TERT: variants seen among roughly 807,000 people sequenced by gnomAD.
The protein encoded by TERT is telomerase reverse transcriptase.
In TERT, 42 loss-of-function variants were observed where a neutral mutation model predicts 104.0. The ratio of observed to expected loss-of-function variants is 0.40; its 90% CI spans 0.32 to 0.52. The LOEUF (loss-of-function observed/expected upper bound fraction) is 0.52. Ranked by LOEUF, TERT falls within the 20% of genes least tolerant of loss-of-function variation. TERT has a pLI of 0.43. For synonymous variants in TERT, 781 were observed against 725.6 expected (o/e 1.08, Z -1.23); for missense variants, 1,101 against 1,610.3 (o/e 0.68, Z 5.41).
intron 6 of TERT, among the ~76,000 whole-genome samples, chr5:1,272,622 C>CTGT (rs1749155851): frequency 2.2e-4 from 8 of 35,596 alleles, no homozygotes; most frequent in African/African-American, 7.6e-4. Flanking sequence ...TCAGACCCCA[C>CTGT]GACCGCCATC....
rs1271696022 is a variant in TERT at position 1,261,801 on chromosome 5, G to C, written c.2844-1201C>G. Among the ~76,000 whole-genome samples, 2 of 152,202 alleles carry C rather than the reference G, an allele frequency of 1.3e-5. No individual in the cohort carries two copies. Among genetic ancestry groups the C allele is most frequent in the East Asian group, 3.8e-4 (2 of 5,198 alleles). On this transcript the variant is annotated intron_variant, in intron 11 of 15. Coordinates refer to ENST00000310581, the MANE Select transcript of TERT (RefSeq NM_198253.3). This position sits in a 1 kb window ranked among gnomAD's most constrained non-coding sequence, Gnocchi z 7.4. ...GACTTGTGTGGGGTCCTCGGGCAGAGCAAGGGCCCCGGAGCAGGAGGCCAG... is the reference window on the plus strand; with the variant it reads ...GACTTGTGTGGGGTCCTCGGGCAGACCAAGGGCCCCGGAGCAGGAGGCCAG...
intron 2 of TERT, among the ~76,000 whole-genome samples, chr5:1,283,235 C>T (rs1750178833): frequency 7.3e-6 from 1 of 137,714 alleles, no homozygotes; most frequent in Non-Finnish European, 1.5e-5. Context: ...GACCTCACCC[C>T]GGACCTGCAC....
At position 1,260,584 on chromosome 5, in the gene TERT, T is replaced by C. The variant is rs1748158658; in HGVS notation, c.2860A>G (p.Ile954Val). 4 of 1,614,128 alleles carry C rather than the reference T, an allele frequency of 2.5e-6. No individual in the cohort carries two copies. The highest frequency in any genetic ancestry group is 1.1e-5 in the South Asian group (1 of 91,082). ...CGGTTGAAGGTGAGACTGGCTCTGA[T>C]GGAGGTCCGGGCATAGCTGAGACAC... ...SDYSSYARTSIRASLTFNRGF... is the reference protein window; with the variant it reads ...SDYSSYARTSVRASLTFNRGF... Residue 954 changes from isoleucine (I) to valine (V), a missense_variant, in exon 12 of 16, where the codon ATC becomes GTC. By Grantham distance (29) the Ile-to-Val change is conservative (BLOSUM62 3). Around this residue, in one of 5 missense-constraint regions of TERT, gnomAD observed 463 missense variants for 797.5 expected, o/e 0.58. Coordinates refer to ENST00000310581, the MANE Select transcript of TERT (RefSeq NM_198253.3).
intron 6 of TERT, among the ~76,000 whole-genome samples, chr5:1,276,480 T>C (rs1579571910): frequency 1.1e-4 from 11 of 96,122 alleles, no homozygotes; most frequent in African/African-American, 1.2e-4. Context: ...TAAAAACCAA[T>C]CCCACAGATC....
rs749338229 is a variant in TERT at position 1,253,704 on chromosome 5, G to C, written c.*24C>G. On this transcript the variant is annotated 3_prime_UTR_variant, in exon 16 of 16. Coordinates refer to ENST00000310581, the MANE Select transcript of TERT (RefSeq NM_198253.3). ...GACAGGGCTGCTGGTGTCTGCTCTC[G>C]GCCTGGCTGTGGGCGGGTGGCCATC... 8 of 1,592,688 alleles carry C rather than the reference G, an allele frequency of 5.0e-6. No homozygotes were observed. Among genetic ancestry groups the C allele is most frequent in the Non-Finnish European group, 6.0e-6 (7 of 1,166,724 alleles).
intron 6 of TERT, among the ~76,000 whole-genome samples, chr5:1,278,260 G>T (rs1749752092): frequency 6.6e-6 from 1 of 152,168 alleles, no homozygotes; most frequent in Non-Finnish European, 1.5e-5. Flanking sequence ...GGAGGAGGAA[G>T]GAGTAAGGCC....
Position 1,266,458 on chromosome 5 carries a change from C to T in TERT, c.2654+6G>A, listed in dbSNP as rs765264583. On this transcript the variant is annotated splice_donor_region_variant and intron_variant, in intron 10 of 15. Coordinates refer to ENST00000310581, the MANE Select transcript of TERT (RefSeq NM_198253.3). ...GGTCCCCACAGACACACGGCACGGG[C>T]CTCACCTGAGGAAGGTTTTCGCGTG... The T allele has an allele frequency of 6.2e-7, 1 of 1,605,540 alleles. No individual in the cohort carries two copies.
In TERT at chr5:1,293,826, G is replaced by T; in HGVS notation, c.1060C>A (p.Leu354Met). ...SFLLSSLRPS[L>M]TGARRLVETI... is the part of the protein sequence containing the mutation. ...TCCACGAGCCTCCGAGCGCCAGTCAGGCTGGGCCTCAGAGAGCTGAGTAGG... is the reference window on the plus strand; with the variant it reads ...TCCACGAGCCTCCGAGCGCCAGTCATGCTGGGCCTCAGAGAGCTGAGTAGG... The change falls in exon 2 of 16, where the codon CTG becomes ATG. Residue 354 changes from leucine (L) to methionine (M), a missense_variant. Physicochemically the swap from Leu to Met is conservative, Grantham distance 15 (BLOSUM62 2). Transcript: ENST00000310581. 6.5e-7 allele frequency: 1 copy of T among 1,549,838 alleles called. No homozygotes were observed. Among genetic ancestry groups the T allele is most frequent in the Non-Finnish European group, 8.7e-7 (1 of 1,147,124 alleles).
chr5:1,290,214 G>T (rs1304397368), intron 2 of TERT, among the ~76,000 whole-genome samples: 3 of 66,024 alleles, frequency 4.5e-5, no homozygotes, highest in Non-Finnish European at 8.0e-5. Context: ...TGACACCCGG[G>T]GACCGCGCCT....
Position 1,294,082 on chromosome 5 carries a change from A to G in TERT, c.804T>C (p.Arg268=). Reference sequence around the variant, plus strand: ...TGGCAGGTGACACCACACAGAAACCACGGTCACTCGGTCCACGCGTCCTGC... The same window carrying G: ...TGGCAGGTGACACCACACAGAAACCGCGGTCACTCGGTCCACGCGTCCTGC... The part of the protein sequence containing the change: ...HPGRTRGPSD[R]GFCVVSPARP... Residue 268 remains arginine, a synonymous_variant, in exon 2 of 16, where the codon CGT becomes CGC. Coordinates refer to ENST00000310581, the MANE Select transcript of TERT (RefSeq NM_198253.3). 1.3e-6 allele frequency: 2 copies of G among 1,591,228 alleles called. No homozygotes were observed. The highest frequency in any genetic ancestry group is 1.7e-6 in the Non-Finnish European group (2 of 1,171,360).
At position 1,287,995 on chromosome 5, in the gene TERT, AATG is replaced by A. The variant is rs1232475933; in HGVS notation, c.1573+5315_1573+5317del. ...CAACTGAGTTAGAAATCAATAATAA[AATG>A]ATAACTTAAAATACTCTACGTATCT... On this transcript the variant is annotated intron_variant, in intron 2 of 15. Coordinates refer to ENST00000310581, the MANE Select transcript of TERT (RefSeq NM_198253.3). This position sits in a 1 kb window ranked among gnomAD's most constrained non-coding sequence, Gnocchi z 4.3. Among the ~76,000 whole-genome samples, 2 of 152,096 alleles carry A rather than the reference AATG, an allele frequency of 1.3e-5. No homozygotes were observed. Among genetic ancestry groups the A allele is most frequent in the Non-Finnish European group, 2.9e-5 (2 of 68,036 alleles).
In TERT at chr5:1,269,625, A is replaced by G. The variant is rs1203542090; in HGVS notation, c.2469-992T>C. Among the ~76,000 whole-genome samples the G allele has an allele frequency of 6.6e-6, 1 of 151,734 alleles. No homozygotes were observed. The highest frequency in any genetic ancestry group is 1.5e-5 in the Non-Finnish European group (1 of 67,924). On this transcript the variant is annotated intron_variant, in intron 8 of 15. Transcript: ENST00000310581. This position sits in a 1 kb window ranked among gnomAD's most constrained non-coding sequence, Gnocchi z 9.0. ...GACGTTCCGTCTCAAAAAAAAAAAAAGAAAGAAAAGAAAAGAGGCTTTCCT... is the reference window on the plus strand; with the variant it reads ...GACGTTCCGTCTCAAAAAAAAAAAAGGAAAGAAAAGAAAAGAGGCTTTCCT...
chr5:1,270,355 C>T lies in TERT; in HGVS notation c.2468+764G>A, dbSNP rs974041268. ...GAGGCCTCCACGTTCCACCTGACTGCGGATGACCTTGCTGATGACCTTGAG... is the reference window on the plus strand; with the variant it reads ...GAGGCCTCCACGTTCCACCTGACTGTGGATGACCTTGCTGATGACCTTGAG... On this transcript the variant is annotated intron_variant, in intron 8 of 15. Transcript: ENST00000310581. The surrounding 1 kb of genome is among the most constrained non-coding windows in gnomAD (Gnocchi z 8.3). Among the ~76,000 whole-genome samples the T allele has an allele frequency of 4.6e-5, 7 of 152,360 alleles. No homozygotes were observed. Among genetic ancestry groups the T allele is most frequent in the South Asian group, 2.1e-4 (1 of 4,824 alleles).
rs763551518 is a variant in TERT at position 1,255,849 on chromosome 5, T to A, written c.3033-438A>T. ...TCATCGTATATCAACGTCCTGCGCA[T>A]CCCTTCTGAGCCACCCGCCCCTGTG... On this transcript the variant is annotated intron_variant, in intron 13 of 15. Transcript: ENST00000310581. The surrounding 1 kb of genome is among the most constrained non-coding windows in gnomAD (Gnocchi z 6.9). Among the ~76,000 whole-genome samples the A allele has an allele frequency of 6.6e-6, 1 of 152,100 alleles. No homozygotes were observed. Among genetic ancestry groups the A allele is most frequent in the African/African-American group, 2.4e-5 (1 of 41,418 alleles).
intron 6 of TERT, among the ~76,000 whole-genome samples, chr5:1,277,395 G>A (rs774384130): frequency 6.6e-6 from 1 of 152,248 alleles, no homozygotes; most frequent in Non-Finnish European, 1.5e-5. Context: ...ACAGCAGCGG[G>A]AAGGATACAT....
rs199422304 is a variant in TERT, at chr5:1,264,546, G to A, written c.2701C>T (p.Arg901Trp). 1.9e-6 allele frequency: 3 copies of A among 1,613,892 alleles called. No homozygotes were observed. Among genetic ancestry groups the A allele is most frequent in the Non-Finnish European group, 2.5e-6 (3 of 1,180,060 alleles). ...ACAGGGAAGTTCACCACTGTCTTCCGCAAGTTCACCACGCAGCCATACTCA... is the reference window on the plus strand; with the variant it reads ...ACAGGGAAGTTCACCACTGTCTTCCACAAGTTCACCACGCAGCCATACTCA... ...VPEYGCVVNL[R>W]KTVVNFPVED... Residue 901 changes from arginine to tryptophan, a missense_variant, in exon 11 of 16, where the codon CGG becomes TGG. Around this residue, in one of 5 missense-constraint regions of TERT, gnomAD observed 463 missense variants for 797.5 expected, o/e 0.58. Coordinates refer to ENST00000310581, the MANE Select transcript of TERT (RefSeq NM_198253.3).
In TERT at chr5:1,256,485, C is replaced by T. The variant is rs1283124641; in HGVS notation, c.3033-1074G>A. On this transcript the variant is annotated intron_variant, in intron 13 of 15. Coordinates refer to ENST00000310581, the MANE Select transcript of TERT (RefSeq NM_198253.3). The surrounding 1 kb of genome is among the most constrained non-coding windows in gnomAD (Gnocchi z 7.0). ...TGAGCCCCCCGTGTACCTCATCTCA[C>T]CCAGTGCCTGAGCCCCCCATGTACC... Among the ~76,000 whole-genome samples, 2 of 145,250 alleles carry T rather than the reference C, an allele frequency of 1.4e-5. No individual in the cohort carries two copies. Among genetic ancestry groups the T allele is most frequent in the African/African-American group, 5.4e-5 (2 of 37,216 alleles).
At chr5:1,275,370 T>C (rs543340314) in intron 6 of TERT, among the ~76,000 whole-genome samples, 8 of 146,070 alleles carry the variant, frequency 5.5e-5, no homozygotes, top group Non-Finnish European at 1.2e-4. Context: ...AGCGAGACTC[T>C]GTTATCAAAA....
At position 1,287,228 on chromosome 5, in the gene TERT, T is replaced by TTA; in HGVS notation, c.1574-4605_1574-4604insTA. On this transcript the variant is annotated intron_variant, in intron 2 of 15. Coordinates refer to ENST00000310581, the MANE Select transcript of TERT (RefSeq NM_198253.3). The surrounding 1 kb of genome is among the most constrained non-coding windows in gnomAD (Gnocchi z 4.3). ...AAAGTGTTGAAAATTAGGCCAGACA[T>TTA]GGTGGCTCATGCCTGTAATTCAGCA... 6.6e-6 allele frequency among the ~76,000 whole-genome samples: 1 copy of TTA among 152,086 alleles called. No individual in the cohort carries two copies. Among genetic ancestry groups the TTA allele is most frequent in the South Asian group, 2.1e-4 (1 of 4,812 alleles).
Sources: allele counts gnomAD v4.1 joint callset (sites outside exome capture counted in the v4.1 genomes callset), GRCh38; gene constraint gnomAD v4.1.1; regional missense constraint gnomAD v4.1.1; non-coding constraint Gnocchi (gnomAD v3.1); transcripts MANE v1.5; gene names NCBI Gene and HGNC (gene_info 2026-07-23, HGNC 2026-07-21).